Variants in XKR8 observed in about 807,000 individuals in gnomAD.
XKR8 encodes XK related 8.
XKR8 carries 10 observed loss-of-function variants against 17.1 expected under a neutral mutation model. The observed-to-expected ratio is 0.59, with a 90% CI of 0.36 to 0.99. The LOEUF (loss-of-function observed/expected upper bound fraction) is 0.99, where lower values mean the gene tolerates loss of function less well. Among genes scored for constraint, XKR8 ranks in the 50% least tolerant of loss-of-function variants. The pLI is 0.01. For missense variants in XKR8, 411 were observed against 515.6 expected, an observed-to-expected ratio of 0.80 and a Z score of 1.96; for synonymous variants, 213 against 251.9, an observed-to-expected ratio of 0.85 and a Z score of 1.46.
At position 27,966,635 on chromosome 1, in the gene XKR8, T is replaced by G; in HGVS notation, c.623T>G (p.Leu208Arg). The change falls in exon 3 of 3, where the codon CTG (leucine) becomes CGG (arginine). Residue 208 changes from leucine (L) to arginine (R), a missense_variant. By Grantham distance (102) the Leu-to-Arg change is moderately radical. Transcript: ENST00000373884. This position sits in a 1 kb window ranked among gnomAD's most constrained non-coding sequence, Gnocchi z 4.3. ...TCCGTGATCTACTTCCTGTGGAACC[T>G]GCTGCTGCTGTGGCCCCGAGTCCTG... ...GSSVIYFLWN[L>R]LLLWPRVLAV... The G allele has an allele frequency of 6.2e-7, 1 of 1,614,062 alleles. No homozygotes were observed. The highest frequency in any genetic ancestry group is 2.2e-5 in the East Asian group (1 of 44,874).
Position 27,965,288 on chromosome 1 carries a change from G to A in XKR8, c.491-1215G>A, listed in dbSNP as rs894370313. Among the ~76,000 whole-genome samples, 3 of 152,122 alleles carry A rather than the reference G, an allele frequency of 2.0e-5. No individual in the cohort carries two copies. Among genetic ancestry groups the A allele is most frequent in the South Asian group, 2.1e-4 (1 of 4,818 alleles). ...TGTGAGTGTGGCAGGGGGTAAGGGG[G>A]CGAGACAGATTTTCCCTACTTTTTA... On this transcript the variant is annotated intron_variant, in intron 2 of 2. Coordinates refer to ENST00000373884, the MANE Select transcript of XKR8 (RefSeq NM_018053.4). This position sits in a 1 kb window ranked among gnomAD's most constrained non-coding sequence, Gnocchi z 4.1.
chr1:27,962,364 A>C (rs1443393777), intron 1 of XKR8, among the ~76,000 whole-genome samples: 1 of 152,158 alleles, frequency 6.6e-6, no homozygotes, highest in Non-Finnish European at 1.5e-5. Flanking sequence ...ACTTGAGGTC[A>C]GGAGTTTGAG....
rs983742196 is a variant in XKR8 at position 27,960,283 on chromosome 1, C to T, written c.214C>T (p.Pro72Ser). 6.6e-7 allele frequency: 1 copy of T among 1,512,302 alleles called. No homozygotes were observed. The highest frequency in any genetic ancestry group is 2.0e-5 in the Admixed American group (1 of 49,046). 93.7% of individuals were successfully genotyped at this position (1,512,302 alleles called of 1,614,324 possible). Reference sequence around the variant, plus strand: ...CAGCTGGCTCTGGCTGCGCGCTGACCCTGCCGGCCTGCACGGGTCGCAGCC... The same window carrying T: ...CAGCTGGCTCTGGCTGCGCGCTGACTCTGCCGGCCTGCACGGGTCGCAGCC... ...LFSWLWLRAD[P>S]AGLHGSQPPR... The change falls in exon 1 of 3, where the codon CCT becomes TCT. Residue 72 changes from proline (P) to serine (S), a missense_variant. Coordinates refer to ENST00000373884, the MANE Select transcript of XKR8 (RefSeq NM_018053.4). The surrounding 1 kb of genome is among the most constrained non-coding windows in gnomAD (Gnocchi z 5.9).
At position 27,960,245 on chromosome 1, in the gene XKR8, C is replaced by T; in HGVS notation, c.176C>T (p.Ala59Val). 1 of 1,525,166 alleles carries T rather than the reference C, an allele frequency of 6.6e-7. No homozygotes were observed. Among genetic ancestry groups the T allele is most frequent in the Non-Finnish European group, 8.7e-7 (1 of 1,143,086 alleles). 94.5% of individuals were successfully genotyped at this position (1,525,166 alleles called of 1,614,324 possible). The change falls in exon 1 of 3, where the codon GCG becomes GTG. Residue 59 changes from alanine to valine, a missense_variant. Coordinates refer to ENST00000373884, the MANE Select transcript of XKR8 (RefSeq NM_018053.4). This position sits in a 1 kb window ranked among gnomAD's most constrained non-coding sequence, Gnocchi z 5.9. Reference protein sequence around the residue: ...VLALLGLASVALQLFSWLWLR... With the variant: ...VLALLGLASVVLQLFSWLWLR... ...GCGCTGCTGGGCCTGGCCTCCGTGGCGCTGCAGCTCTTCAGCTGGCTCTGG... is the reference window on the plus strand; with the variant it reads ...GCGCTGCTGGGCCTGGCCTCCGTGGTGCTGCAGCTCTTCAGCTGGCTCTGG...
rs764457306 is a variant in XKR8, at chr1:27,966,784, G to A, written c.772G>A (p.Glu258Lys). ...GTDFMPDPSS[E>K]WLYRVTVATI... The stretch of plus-strand genomic sequence containing the variant: ...AGACTTCATGCCGGACCCCAGCTCC[G>A]AGTGGCTGTACCGGGTGACGGTGGC... The change falls in exon 3 of 3, where the codon GAG becomes AAG. Residue 258 changes from glutamate (E) to lysine (K), a missense_variant. Glu to Lys is a moderately conservative substitution (Grantham distance 56, BLOSUM62 1). Transcript: ENST00000373884. The surrounding 1 kb of genome is among the most constrained non-coding windows in gnomAD (Gnocchi z 4.3). 8.1e-6 allele frequency: 13 copies of A among 1,613,840 alleles called. No individual in the cohort carries two copies. Among genetic ancestry groups the A allele is most frequent in the Middle Eastern group, 1.7e-4 (1 of 5,958 alleles).
chr1:27,963,629 G>A lies in XKR8; in HGVS notation c.426G>A (p.Thr142=), dbSNP rs751318719. The part of the protein sequence containing the change: ...MLRLFETFLE[T]APQLTLVLAI... ...GGCTCTTCGAGACCTTCTTGGAGAC[G>A]GCACCACAGCTCACGCTGGTGCTGG... Residue 142 remains threonine, a synonymous_variant, in exon 2 of 3, where the codon ACG becomes ACA. Transcript: ENST00000373884. 4.6e-5 allele frequency: 74 copies of A among 1,612,384 alleles called. 1 individual carries two copies. Among genetic ancestry groups the A allele is most frequent in the Admixed American group, 2.5e-4 (15 of 59,788 alleles).
At position 27,966,836 on chromosome 1, in the gene XKR8, A is replaced by T; in HGVS notation, c.824A>T (p.Asn275Ile). The T allele has an allele frequency of 2.5e-6, 4 of 1,613,990 alleles. No homozygotes were observed. Among genetic ancestry groups the T allele is most frequent in the Non-Finnish European group, 3.4e-6 (4 of 1,179,982 alleles). The stretch of plus-strand genomic sequence containing the variant: ...ACCATCCTCTATTTCTCCTGGTTCA[A>T]CGTGGCTGAGGGCCGCACCCGAGGC... The part of the protein sequence containing the change: ...VATILYFSWF[N>I]VAEGRTRGRA... Residue 275 changes from asparagine to isoleucine, a missense_variant, in exon 3 of 3, where the codon AAC (asparagine) becomes ATC (isoleucine). Physicochemically the swap from Asn to Ile is moderately radical, Grantham distance 149. Coordinates refer to ENST00000373884, the MANE Select transcript of XKR8 (RefSeq NM_018053.4). The surrounding 1 kb of genome is among the most constrained non-coding windows in gnomAD (Gnocchi z 4.3).
rs143333954 is a variant in XKR8, at chr1:27,966,297, G to A, written c.491-206G>A. 5.6e-3 allele frequency among the ~76,000 whole-genome samples: 845 copies of A among 152,238 alleles called. 5 individuals carry two copies. Among genetic ancestry groups the A allele is most frequent in the African/African-American group, 0.019 (778 of 41,516 alleles). On this transcript the variant is annotated intron_variant, in intron 2 of 2. Coordinates refer to ENST00000373884, the MANE Select transcript of XKR8 (RefSeq NM_018053.4). This position sits in a 1 kb window ranked among gnomAD's most constrained non-coding sequence, Gnocchi z 4.3. ...TACGCAGCAAAGCGCTGTGGTGAGG[G>A]GCAGGCTCTATATTAGGAGTCATAG...
At chr1:27,963,153 AG>A (rs1033351297) in intron 1 of XKR8, among the ~76,000 whole-genome samples, 1 of 151,960 alleles carries the variant, frequency 6.6e-6, no homozygotes, top group African/African-American at 2.4e-5. Context: ...CCTCCTGAGT[AG>A]CTGGGACTAC....
At position 27,960,971 on chromosome 1, in the gene XKR8, C is replaced by T. The variant is rs1482215593; in HGVS notation, c.293+609C>T. Among the ~76,000 whole-genome samples the T allele has an allele frequency of 6.6e-6, 1 of 152,212 alleles. No individual in the cohort carries two copies. Among genetic ancestry groups the T allele is most frequent in the Non-Finnish European group, 1.5e-5 (1 of 68,034 alleles). On this transcript the variant is annotated intron_variant, in intron 1 of 2. Coordinates refer to ENST00000373884, the MANE Select transcript of XKR8 (RefSeq NM_018053.4). This position sits in a 1 kb window ranked among gnomAD's most constrained non-coding sequence, Gnocchi z 5.9. ...AAGATGCAGTGAAATGACATCTGTC[C>T]ACTGCCCTGGCTCAGAGTGAGCACT...
In XKR8 at chr1:27,960,628, C is replaced by A. The variant is rs1298604246; in HGVS notation, c.293+266C>A. On this transcript the variant is annotated intron_variant, in intron 1 of 2. Transcript: ENST00000373884. The surrounding 1 kb of genome is among the most constrained non-coding windows in gnomAD (Gnocchi z 5.9). ...AAGGGAGGCGCATGGGCTTTGAAGT[C>A]GGACCTCTCAGGGATCCACTTCTGG... is the stretch of plus-strand genomic sequence containing the variant. Among the ~76,000 whole-genome samples, 1 of 152,200 alleles carries A rather than the reference C, an allele frequency of 6.6e-6. No individual in the cohort carries two copies. Among genetic ancestry groups the A allele is most frequent in the Non-Finnish European group, 1.5e-5 (1 of 68,018 alleles).
Position 27,963,536 on chromosome 1 carries a change from G to C in XKR8, c.333G>C (p.Gln111His). 2 of 1,613,574 alleles carry C rather than the reference G, an allele frequency of 1.2e-6. No individual in the cohort carries two copies. The highest frequency in any genetic ancestry group is 1.1e-5 in the South Asian group (1 of 91,002). Reference sequence around the variant, plus strand: ...TGCGGCAGGGGCTGCTGGTGTGGCAGCAGGAGGAGCCCTCTGAGTTTGACT... The same window carrying C: ...TGCGGCAGGGGCTGCTGGTGTGGCACCAGGAGGAGCCCTCTGAGTTTGACT... ...QELRQGLLVW[Q>H]QEEPSEFDLA... The change falls in exon 2 of 3, where the codon CAG becomes CAC. Residue 111 changes from glutamine to histidine, a missense_variant. Physicochemically the swap from Gln to His is conservative, Grantham distance 24 (BLOSUM62 0). Transcript: ENST00000373884.
intron 1 of XKR8, among the ~76,000 whole-genome samples, chr1:27,962,168 G>A (rs1638480836): frequency 6.6e-6 from 1 of 152,250 alleles, no homozygotes; most frequent in Admixed American, 6.5e-5. Flanking sequence ...TAAAGTTTGA[G>A]AACTACTGCC....
intron 1 of XKR8, 122 bp from the exon 2 acceptor site, chr1:27,963,375 G>T (rs1179152206): frequency 8.3e-7 from 1 of 1,205,258 alleles, no homozygotes; most frequent in Non-Finnish European, 1.1e-6. Context: ...ATTGCCGAAG[G>T]CCCCATAGCA....
Position 27,966,886 on chromosome 1 carries a change from C to T in XKR8, c.874C>T (p.Leu292Phe). The T allele has an allele frequency of 6.2e-7, 1 of 1,614,238 alleles. No individual in the cohort carries two copies. The highest frequency in any genetic ancestry group is 8.5e-7 in the Non-Finnish European group (1 of 1,180,048). The change falls in exon 3 of 3, where the codon CTC (leucine) becomes TTC (phenylalanine). Residue 292 changes from leucine (L) to phenylalanine (F), a missense_variant. By Grantham distance (22) the Leu-to-Phe change is conservative. Transcript: ENST00000373884. This position sits in a 1 kb window ranked among gnomAD's most constrained non-coding sequence, Gnocchi z 4.3. ...CCGGGCCATCATCCACTTCGCCTTC[C>T]TCCTGAGTGACAGCATTCTCCTGGT... ...RGRAIIHFAFLLSDSILLVAT... is the reference protein window; with the variant it reads ...RGRAIIHFAFFLSDSILLVAT...
chr1:27,962,486 T>A (rs1638486423), intron 1 of XKR8, among the ~76,000 whole-genome samples: 1 of 151,878 alleles, frequency 6.6e-6, no homozygotes, highest in South Asian at 2.1e-4. Flanking sequence ...GGCAGGAGAA[T>A]CGCTTGAACC....
At position 27,960,334 on chromosome 1, in the gene XKR8, C is replaced by T; in HGVS notation, c.265C>T (p.His89Tyr). 2.8e-6 allele frequency: 4 copies of T among 1,420,322 alleles called. No individual in the cohort carries two copies. In the South Asian group the frequency reaches 6.0e-5, roughly 21 times the overall value. The allele number at this position is 1,420,322 out of a possible 1,614,324, so 88.0% of individuals were successfully genotyped here. A position where few individuals can be genotyped will look rare whatever the true frequency, so the allele number is the denominator to read the frequency against. Residue 89 changes from histidine (H) to tyrosine (Y), a missense_variant, in exon 1 of 3, where the codon CAT (histidine) becomes TAT (tyrosine). Coordinates refer to ENST00000373884, the MANE Select transcript of XKR8 (RefSeq NM_018053.4). The surrounding 1 kb of genome is among the most constrained non-coding windows in gnomAD (Gnocchi z 5.9). ...CCCGCGCCGCTGCCTGGCGCTGCTG[C>T]ATCTCCTGCAGCTGGGTTACCTGTA... ...QPPRRCLALL[H>Y]LLQLGYLYRC...
Position 27,960,179 on chromosome 1 carries a change from A to G in XKR8, c.110A>G (p.Tyr37Cys). The G allele has an allele frequency of 2.0e-6, 3 of 1,527,540 alleles. No homozygotes were observed. Among genetic ancestry groups the G allele is most frequent in the Non-Finnish European group, 2.6e-6 (3 of 1,144,040 alleles). The allele number at this position is 1,527,540 out of a possible 1,614,324, so 94.6% of individuals were successfully genotyped here. A position where few individuals can be genotyped will look rare whatever the true frequency, so the allele number is the denominator to read the frequency against. ...LGTDLWAAVQ[Y>C]ALGGRYLWAA... is the part of the protein sequence containing the mutation. Reference sequence around the variant, plus strand: ...ACCGACCTGTGGGCCGCCGTCCAGTATGCGCTCGGCGGCCGCTACCTGTGG... The same window carrying G: ...ACCGACCTGTGGGCCGCCGTCCAGTGTGCGCTCGGCGGCCGCTACCTGTGG... The change falls in exon 1 of 3, where the codon TAT becomes TGT. Residue 37 changes from tyrosine (Y) to cysteine (C), a missense_variant. Coordinates refer to ENST00000373884, the MANE Select transcript of XKR8 (RefSeq NM_018053.4). This position sits in a 1 kb window ranked among gnomAD's most constrained non-coding sequence, Gnocchi z 5.9.
At chr1:27,962,040 G>A (rs1638478994) in intron 1 of XKR8, among the ~76,000 whole-genome samples, 2 of 152,106 alleles carry the variant, frequency 1.3e-5, no homozygotes, top group African/African-American at 4.8e-5. Flanking sequence ...CCCTCCTCCA[G>A]CCCCTCCCCT....
Sources: allele counts gnomAD v4.1 joint callset (sites outside exome capture counted in the v4.1 genomes callset), GRCh38; gene constraint gnomAD v4.1.1; non-coding constraint Gnocchi (gnomAD v3.1); transcripts MANE v1.5; gene names NCBI Gene and HGNC (gene_info 2026-07-23, HGNC 2026-07-21).